Variants in ADAM8 observed in about 807,000 individuals in gnomAD.
The protein encoded by ADAM8 is ADAM metallopeptidase domain 8.
A neutral mutation model predicts 102.4 loss-of-function variants in ADAM8; 104 were observed. The ratio of observed to expected loss-of-function variants is 1.02; its 90% CI spans 0.87 to 1.20. The LOEUF (loss-of-function observed/expected upper bound fraction) is 1.20, where lower values mean the gene tolerates loss of function less well. Among genes scored for constraint, ADAM8 ranks in the 50% most tolerant of loss-of-function variants. The probability of loss-of-function intolerance (pLI) is 0.00; values close to 1 mark genes in which losing one functional copy is unlikely to be tolerated. For missense variants in ADAM8, 1,132 were observed against 1,159.0 expected, an observed-to-expected ratio of 0.98 and a Z score of 0.34; for synonymous variants, 517 against 485.2, an observed-to-expected ratio of 1.07 and a Z score of -0.86.
rs1474737662 is a variant in ADAM8, at chr10:133,273,950, C to A, written c.306+1G>T. ...GCCCAGCTGCTCCGCCCGACCCATA[C>A]CTGCCCGCGAGGCTGCTCCGTCACC... On this transcript the variant is annotated splice_donor_variant, in intron 4 of 22. Transcript: ENST00000445355. LOFTEE classifies it high-confidence loss of function. 1 of 1,597,860 alleles carries A rather than the reference C, an allele frequency of 6.3e-7. No homozygotes were observed. The highest frequency in any genetic ancestry group is 2.3e-5 in the East Asian group (1 of 44,430).
At chr10:133,273,729 G>T (rs1287224735) in intron 5 of ADAM8, 33 bp downstream of exon 5, 1 of 1,542,674 alleles carries the variant, frequency 6.5e-7, no homozygotes. Context: ...CTCTCCACCT[G>T]CGGGAGCCCT....
chr10:133,275,166 G>T (rs1276766220), intron 2 of ADAM8, among the ~76,000 whole-genome samples: 1 of 152,160 alleles, frequency 6.6e-6, no homozygotes, highest in African/African-American at 2.4e-5. Context: ...TCAACTCTGC[G>T]GTGAGCCAGC....
intron 22 of ADAM8, 79 bp downstream of exon 22, chr10:133,263,609 A>G: frequency 6.2e-5 from 4 of 64,760 alleles, no homozygotes; most frequent in Non-Finnish European, 9.6e-5. Flanking sequence ...CCTCCAGGGC[A>G]GTGCCACCGT....
rs767036819 is a variant in ADAM8 at position 133,274,164 on chromosome 10, C to A, written c.222G>T (p.Lys74Asn). The change falls in exon 3 of 23, where the codon AAG becomes AAT. Residue 74 changes from lysine to asparagine, a missense_variant. Physicochemically the swap from Lys to Asn is moderately conservative, Grantham distance 94. Transcript: ENST00000445355. ...TGHNFTLHLR[K>N]NRDLLGSGYT... Reference sequence around the variant, plus strand: ...CCGACCCGAGACCCACTCACCTGTTCTTCCGCAGGTGGAGGGTGAAGTTGT... The same window carrying A: ...CCGACCCGAGACCCACTCACCTGTTATTCCGCAGGTGGAGGGTGAAGTTGT... 2.5e-6 allele frequency: 4 copies of A among 1,587,234 alleles called. No homozygotes were observed. Among genetic ancestry groups the A allele is most frequent in the Non-Finnish European group, 3.4e-6 (4 of 1,166,246 alleles).
Position 133,271,832 on chromosome 10 carries a change from G to C in ADAM8, c.1080C>G (p.Gly360=). 6.2e-7 allele frequency: 1 copy of C among 1,612,234 alleles called. No homozygotes were observed. Among genetic ancestry groups the C allele is most frequent in the East Asian group, 2.2e-5 (1 of 44,840 alleles). ...CAATGCTGCCCGCCATGATGCAGCG[G>C]CCGGCCTCGAAGCGTTCCTGGCAGC... ...GCRCQERFEA[G]RCIMAGSIGS... is the part of the protein sequence containing the mutation. Residue 360 remains glycine, a synonymous_variant, in exon 11 of 23, where the codon GGC becomes GGG. Transcript: ENST00000445355.
chr10:133,269,031 T>C (rs1382264897), intron 18 of ADAM8, 169 bp from the exon 19 acceptor site: 35 of 985,276 alleles, frequency 3.6e-5, no homozygotes, highest in Non-Finnish European at 4.1e-5. Flanking sequence ...CAGTGACAGG[T>C]TGGAGAGCTT....
In ADAM8 at chr10:133,267,369, G is replaced by A. The variant is rs79495431; in HGVS notation, c.2302C>T (p.Arg768Trp). 430 of 1,609,832 alleles carry A rather than the reference G, an allele frequency of 2.7e-4. 2 individuals are homozygous for A. The highest frequency in any genetic ancestry group is 8.9e-4 in the East Asian group (40 of 44,748). ...SPPFPVPVYTRQAPKQVIKPT... is the reference protein window; with the variant it reads ...SPPFPVPVYTWQAPKQVIKPT... ...CTGCTCACCTGCTTTGGTGCCTGCC[G>A]GGTGTAGACAGGAACTGGGAAGGGT... The change falls in exon 21 of 23, where the codon CGG becomes TGG. Residue 768 changes from arginine (R) to tryptophan (W), a missense_variant. By Grantham distance (101) the Arg-to-Trp change is moderately radical. Coordinates refer to ENST00000445355, the MANE Select transcript of ADAM8 (RefSeq NM_001109.5).
rs762808931 is a variant in ADAM8 at position 133,268,755 on chromosome 10, G to A, written c.2056C>T (p.Leu686=). 2.5e-6 allele frequency: 4 copies of A among 1,610,076 alleles called. No individual in the cohort carries two copies. In the South Asian group the frequency reaches 3.3e-5, roughly 13 times the overall value. Residue 686 remains leucine (L), a synonymous_variant, in exon 19 of 23, where the codon CTG becomes TTG. Coordinates refer to ENST00000445355, the MANE Select transcript of ADAM8 (RefSeq NM_001109.5). ...AGCCCCCACCACCCTCACCTGCTCA[G>A]GATGCGGCTCCGGGCTTTGCGGTAG... is the stretch of plus-strand genomic sequence containing the variant. ...IVYRKARSRI[L]SRNVAPKTTM...
chr10:133,270,606 C>T (rs1046840770), intron 15 of ADAM8, 96 bp from the exon 16 acceptor site: 8 of 1,540,814 alleles, frequency 5.2e-6, no homozygotes, highest in Middle Eastern at 2.2e-4. Context: ...CAACACGGTG[C>T]GCTTGAGCCT....
intron 21 of ADAM8, 22 bp downstream of exon 21, chr10:133,267,330 C>T (rs746844175): frequency 6.3e-7 from 1 of 1,598,522 alleles, no homozygotes; most frequent in Non-Finnish European, 8.5e-7. Context: ...GAAGGCTTGG[C>T]CGCCCAATCA....
chr10:133,275,463 C>T, intron 2 of ADAM8, 21 bp downstream of exon 2: 1 of 1,516,812 alleles, frequency 6.6e-7, no homozygotes, highest in South Asian at 1.3e-5. Flanking sequence ...AGGGACCCTC[C>T]CCAGGCCAGC....
intron 2 of ADAM8, among the ~76,000 whole-genome samples, chr10:133,275,188 A>C (rs1846704810): frequency 6.6e-6 from 1 of 152,126 alleles, no homozygotes; most frequent in South Asian, 2.1e-4. Context: ...TCACTTCTCA[A>C]AGAGGAATTT....
At position 133,274,160 on chromosome 10, in the gene ADAM8, T is replaced by C; in HGVS notation, c.226A>G (p.Arg76Gly). ...HNFTLHLRKN[R>G]DLLGSGYTET... ...GGGGCCGACCCGAGACCCACTCACCTGTTCTTCCGCAGGTGGAGGGTGAAG... is the reference window on the plus strand; with the variant it reads ...GGGGCCGACCCGAGACCCACTCACCCGTTCTTCCGCAGGTGGAGGGTGAAG... The change falls in exon 3 of 23, where the codon AGG becomes GGG. Residue 76 changes from arginine to glycine, a missense_variant and splice_region_variant. By Grantham distance (125) the Arg-to-Gly change is moderately radical (BLOSUM62 -2). Coordinates refer to ENST00000445355, the MANE Select transcript of ADAM8 (RefSeq NM_001109.5). 1.9e-6 allele frequency: 3 copies of C among 1,585,612 alleles called. No homozygotes were observed. The highest frequency in any genetic ancestry group is 2.6e-6 in the Non-Finnish European group (3 of 1,165,486).
In ADAM8 at chr10:133,270,992, C is replaced by T; in HGVS notation, c.1453G>A (p.Glu485Lys). The stretch of plus-strand genomic sequence containing the variant: ...TCCTGGAAGGCGTCTTCCGGGCACT[C>T]AGGGTGCCGGCCGTCACAGAACTCC... Reference protein sequence around the residue: ...LEEFCDGRHPECPEDAFQENG... With the variant: ...LEEFCDGRHPKCPEDAFQENG... The change falls in exon 14 of 23, where the codon GAG becomes AAG. Residue 485 changes from glutamate (E) to lysine (K), a missense_variant. Physicochemically the swap from Glu to Lys is moderately conservative, Grantham distance 56. Coordinates refer to ENST00000445355, the MANE Select transcript of ADAM8 (RefSeq NM_001109.5). The T allele has an allele frequency of 6.2e-7, 1 of 1,612,860 alleles. No individual in the cohort carries two copies. The highest frequency in any genetic ancestry group is 8.5e-7 in the Non-Finnish European group (1 of 1,179,974).
At chr10:133,273,482 A>T in intron 5 of ADAM8, 39 bp from the exon 6 acceptor site, 1 of 1,509,254 alleles carries the variant, frequency 6.6e-7, no homozygotes, top group Non-Finnish European at 8.9e-7. Context: ...TGGGCTTCAG[A>T]GTGGCCTGGT....
intron 19 of ADAM8, among the ~76,000 whole-genome samples, chr10:133,268,414 G>T (rs1051448908): frequency 5.9e-5 from 9 of 152,302 alleles, no homozygotes; most frequent in African/African-American, 2.2e-4. Flanking sequence ...CTAGAGCAGG[G>T]CTCAGCAGGA....
Position 133,274,202 on chromosome 10 carries a change from C to A in ADAM8, c.184G>T (p.Gly62Trp). The change falls in exon 3 of 23, where the codon GGG becomes TGG. Residue 62 changes from glycine (G) to tryptophan (W), a missense_variant. Physicochemically the swap from Gly to Trp is radical, Grantham distance 184 (BLOSUM62 -2). Transcript: ENST00000445355. Reference sequence around the variant, plus strand: ...AGGGTGAAGTTGTGCCCTGTGGCCCCAAGGACGTAGCTCACCCTCTCTGGG... The same window carrying A: ...AGGGTGAAGTTGTGCCCTGTGGCCCAAAGGACGTAGCTCACCCTCTCTGGG... ...LHPERVSYVLGATGHNFTLHL... is the reference protein window; with the variant it reads ...LHPERVSYVLWATGHNFTLHL... 5 of 1,586,078 alleles carry A rather than the reference C, an allele frequency of 3.2e-6. No individual in the cohort carries two copies. The highest frequency in any genetic ancestry group is 4.3e-6 in the Non-Finnish European group (5 of 1,165,748).
In ADAM8 at chr10:133,267,931, C is replaced by A; in HGVS notation, c.2251G>T (p.Ala751Ser). 1 of 1,260,292 alleles carries A rather than the reference C, an allele frequency of 7.9e-7. No homozygotes were observed. Among genetic ancestry groups the A allele is most frequent in the South Asian group, 3.8e-5 (1 of 26,284 alleles). 78.1% of individuals were successfully genotyped at this position (1,260,292 alleles called of 1,614,324 possible). A position where few individuals can be genotyped will look rare whatever the true frequency, so the allele number is the denominator to read the frequency against. Residue 751 changes from alanine to serine, a missense_variant and splice_region_variant, in exon 20 of 23, where the codon GCT becomes TCT. Coordinates refer to ENST00000445355, the MANE Select transcript of ADAM8 (RefSeq NM_001109.5). ...AACCCGCCAGGGGTGGTGCTTACAGCAGGGGGCGGCCTCTTCAGAGCCACC... is the reference window on the plus strand; with the variant it reads ...AACCCGCCAGGGGTGGTGCTTACAGAAGGGGGCGGCCTCTTCAGAGCCACC... ...SSVALKRPPPAPPVTVSSPPF... is the reference protein window; with the variant it reads ...SSVALKRPPPSPPVTVSSPPF...
Position 133,267,921 on chromosome 10 carries a change from G to A in ADAM8, c.2253+8C>T. The A allele has an allele frequency of 7.9e-7, 1 of 1,259,264 alleles. No homozygotes were observed. Among genetic ancestry groups the A allele is most frequent in the Non-Finnish European group, 1.0e-6 (1 of 996,368 alleles). 78.0% of individuals were successfully genotyped at this position (1,259,264 alleles called of 1,614,324 possible). ...CGGCCTCATGAACCCGCCAGGGGTG[G>A]TGCTTACAGCAGGGGGCGGCCTCTT... On this transcript the variant is annotated splice_region_variant and intron_variant, in intron 20 of 22. Transcript: ENST00000445355.
Sources: gnomAD v4.1 joint callset for allele counts (sites outside exome capture counted in the v4.1 genomes callset) on GRCh38, gnomAD v4.1.1 for gene constraint, MANE v1.5 for transcripts, NCBI Gene and HGNC (gene_info 2026-07-23, HGNC 2026-07-21) for gene names.